The following TLL2 variants were observed in gnomAD, a reference collection of about 807,000 sequenced individuals.
TLL2 encodes the protein tolloid-like protein 2.
In TLL2, 106 loss-of-function variants were observed where a neutral mutation model predicts 123.0. That is an observed-to-expected ratio of 0.86 (90% CI 0.74 to 1.01). TLL2 has a LOEUF of 1.01. Ranked by LOEUF, TLL2 falls within the 50% of genes least tolerant of loss-of-function variation. TLL2 has a pLI of 0.00. For synonymous variants in TLL2, 494 were observed against 516.8 expected (o/e 0.96, Z 0.60); for missense variants, 1,332 against 1,336.7 (o/e 1.00, Z 0.06).
chr10:96,422,833 G>T, intron 5 of TLL2, 106 bp from the exon 6 acceptor site: 1 of 1,380,428 alleles, frequency 7.2e-7, no homozygotes. Flanking sequence ...GCATGTAAAA[G>T]AACAGAATTT....
intron 11 of TLL2, 25 bp downstream of exon 11, chr10:96,397,161 G>A: frequency 6.3e-7 from 1 of 1,593,812 alleles, no homozygotes; most frequent in Non-Finnish European, 8.6e-7. Context: ...GGGCCACCGA[G>A]CAGCTGCTTT....
At chr10:96,479,694 G>A (rs1463837615) in intron 2 of TLL2, among the ~76,000 whole-genome samples, 2 of 152,246 alleles carry the variant, frequency 1.3e-5, no homozygotes, top group African/African-American at 2.4e-5. Context: ...CAAAGCCCAA[G>A]CTCATGAGTT....
At chr10:96,433,516 G>A (rs778548223) in intron 3 of TLL2, among the ~76,000 whole-genome samples, 1 of 152,132 alleles carries the variant, frequency 6.6e-6, no homozygotes, top group Non-Finnish European at 1.5e-5. Flanking sequence ...AACACAAGGA[G>A]GTTCGATGGA....
intron 1 of TLL2, among the ~76,000 whole-genome samples, chr10:96,504,513 G>A (rs1370740124): frequency 6.6e-6 from 1 of 152,176 alleles, no homozygotes; most frequent in African/African-American, 2.4e-5. Flanking sequence ...AGGAGGCTGA[G>A]GCACAGGAAT....
At chr10:96,389,928 C>G (rs1485594700) in intron 13 of TLL2, among the ~76,000 whole-genome samples, 1 of 152,268 alleles carries the variant, frequency 6.6e-6, no homozygotes, top group African/African-American at 2.4e-5. Flanking sequence ...CCAGTTACAG[C>G]CCTGCTTCAG....
chr10:96,493,220 C>G lies in TLL2; in HGVS notation c.176-12761G>C, dbSNP rs138291122. The stretch of plus-strand genomic sequence containing the variant: ...GAGATTTAGGCAACTTCCTCCAGGC[C>G]CCCTCTCAATTCTAACTCTTAACTG... On this transcript the variant is annotated intron_variant, in intron 1 of 20. Transcript: ENST00000357947. Among the ~76,000 whole-genome samples, 395 of 152,286 alleles carry G rather than the reference C, an allele frequency of 2.6e-3. 2 individuals are homozygous for G. Among genetic ancestry groups the G allele is most frequent in the African/African-American group, 9.1e-3 (380 of 41,548 alleles).
intron 2 of TLL2, among the ~76,000 whole-genome samples, chr10:96,475,780 T>C (rs2134101235): frequency 6.6e-6 from 1 of 152,202 alleles, no homozygotes; most frequent in South Asian, 2.1e-4. Context: ...CCAAATCTCA[T>C]CTTACAGCTC....
Position 96,449,377 on chromosome 10 carries a change from C to G in TLL2, c.287-3209G>C, listed in dbSNP as rs370665041. The stretch of plus-strand genomic sequence containing the variant: ...CCAGGGGATACAAGGCATTGCCCAT[C>G]CAGGAGGTCTGTAAGAAGACATATG... On this transcript the variant is annotated intron_variant, in intron 2 of 20. Transcript: ENST00000357947. Among the ~76,000 whole-genome samples, 4 of 152,306 alleles carry G rather than the reference C, an allele frequency of 2.6e-5. No homozygotes were observed. In the South Asian group the frequency reaches 6.2e-4, roughly 24 times the overall value.
intron 10 of TLL2, among the ~76,000 whole-genome samples, chr10:96,404,089 T>A (rs886390753): frequency 6.6e-6 from 1 of 152,068 alleles, no homozygotes; most frequent in African/African-American, 2.4e-5. Context: ...TAATAATCAA[T>A]AAAAACTGAG....
chr10:96,483,262 A>G (rs1847328167), intron 1 of TLL2, among the ~76,000 whole-genome samples: 1 of 152,210 alleles, frequency 6.6e-6, no homozygotes, highest in Non-Finnish European at 1.5e-5. Flanking sequence ...GCTAAGAATA[A>G]GGGAAAAGGA....
chr10:96,410,708 A>T (rs548509845), intron 8 of TLL2: 1 of 612,334 alleles, frequency 1.6e-6, no homozygotes, highest in East Asian at 3.5e-5. Context: ...AGGACTGAGC[A>T]TGGCCTAGAG....
At chr10:96,385,374 A>T (rs1032343615) in intron 15 of TLL2, among the ~76,000 whole-genome samples, 1 of 152,196 alleles carries the variant, frequency 6.6e-6, no homozygotes, top group East Asian at 1.9e-4. Context: ...TTTTCTGCAC[A>T]ATATTCACTT....
chr10:96,480,474 C>T lies in TLL2; in HGVS notation c.176-15G>A, dbSNP rs1375957376. The T allele has an allele frequency of 6.3e-7, 1 of 1,594,000 alleles. No homozygotes were observed. Among genetic ancestry groups the T allele is most frequent in the Admixed American group, 1.7e-5 (1 of 59,974 alleles). On this transcript the variant is annotated splice_polypyrimidine_tract_variant and intron_variant, in intron 1 of 20. Coordinates refer to ENST00000357947, the MANE Select transcript of TLL2 (RefSeq NM_012465.4). ...CCAAAAGACAGCTGGGAAGGAAACA[C>T]ATAAGTGGGTGAATTTATGCTAGAA...
Position 96,386,968 on chromosome 10 carries a change from T to G in TLL2, c.1837A>C (p.Lys613Gln), listed in dbSNP as rs780630007. The change falls in exon 14 of 21, where the codon AAG becomes CAG. Residue 613 changes from lysine (K) to glutamine (Q), a missense_variant. Physicochemically the swap from Lys to Gln is moderately conservative, Grantham distance 53 (BLOSUM62 1). Transcript: ENST00000357947. ...CDPGYELAAD[K>Q]KMCEVACGGF... ...CCACACCAACCTTCACACATCTTCT[T>G]ATCGGCGGCCAGCTCGTAGCCAGGG... is the stretch of plus-strand genomic sequence containing the variant. 1 of 1,614,128 alleles carries G rather than the reference T, an allele frequency of 6.2e-7. No homozygotes were observed. Among genetic ancestry groups the G allele is most frequent in the Non-Finnish European group, 8.5e-7 (1 of 1,180,016 alleles).
At chr10:96,494,222 G>A (rs888185336) in intron 1 of TLL2, among the ~76,000 whole-genome samples, 3 of 152,240 alleles carry the variant, frequency 2.0e-5, no homozygotes, top group Non-Finnish European at 2.9e-5. Flanking sequence ...GGGGATTTTA[G>A]GGGTGGTGAA....
At chr10:96,503,643 C>A (rs930613048) in intron 1 of TLL2, among the ~76,000 whole-genome samples, 3 of 152,184 alleles carry the variant, frequency 2.0e-5, no homozygotes, top group African/African-American at 4.8e-5. Flanking sequence ...CCTCAACTGA[C>A]CTGATACCCA....
chr10:96,392,805 G>A (rs1473526864), intron 13 of TLL2, among the ~76,000 whole-genome samples: 1 of 152,162 alleles, frequency 6.6e-6, no homozygotes, highest in Non-Finnish European at 1.5e-5. Flanking sequence ...GTTAAATTAA[G>A]GATCTTAATT....
At chr10:96,373,432 C>T (rs991698904) in intron 19 of TLL2, 164 bp downstream of exon 19, 76 of 674,128 alleles carry the variant, frequency 1.1e-4, no homozygotes, top group Non-Finnish European at 1.7e-4. Flanking sequence ...TGAGCCACCA[C>T]GCCCAGCTTG....
intron 2 of TLL2, among the ~76,000 whole-genome samples, chr10:96,473,054 C>G (rs537354385): frequency 8.0e-4 from 122 of 152,168 alleles, no homozygotes; most frequent in African/African-American, 2.5e-3. Flanking sequence ...ATCAGCCCCC[C>G]CCAATCAGAT....
Sources: gnomAD v4.1 joint callset for allele counts (sites outside exome capture counted in the v4.1 genomes callset) on GRCh38, gnomAD v4.1.1 for gene constraint, MANE v1.5 for transcripts, NCBI Gene and HGNC (gene_info 2026-07-23, HGNC 2026-07-21) for gene names.